The following CACNA2D1 variants were observed in gnomAD, a reference collection of about 807,000 sequenced individuals.
CACNA2D1 encodes calcium voltage-gated channel auxiliary subunit alpha2delta 1.
Under a neutral mutation model 171.5 loss-of-function variants are expected in CACNA2D1, and 53 were observed. The ratio of observed to expected loss-of-function variants is 0.31; its 90% CI spans 0.25 to 0.39. CACNA2D1 has a LOEUF of 0.39. Among genes scored for constraint, CACNA2D1 ranks in the 10% least tolerant of loss-of-function variants. CACNA2D1 has a pLI of 1.00. For synonymous variants in CACNA2D1, 442 were observed against 443.1 expected, an observed-to-expected ratio of 1.00 and a Z score of 0.03; for missense variants, 903 against 1,299.8, an observed-to-expected ratio of 0.69 and a Z score of 4.69.
Position 82,152,103 on chromosome 7 carries a change from T to G in CACNA2D1, c.355-15427A>C, listed in dbSNP as rs543612082. On this transcript the variant is annotated intron_variant, in intron 4 of 38. Transcript: ENST00000356860. ...TTCCAAAGTTAAATGTATCAAACTA[T>G]ATATTTACAGAGGACAAGCTAATCC... Among the ~76,000 whole-genome samples, 88 of 152,146 alleles carry G rather than the reference T, an allele frequency of 5.8e-4. 3 individuals are homozygous for G. The South Asian group carries it at 0.018, about 31-fold the overall frequency.
chr7:82,345,938 C>T (rs1414207001), intron 2 of CACNA2D1, among the ~76,000 whole-genome samples: 1 of 151,994 alleles, frequency 6.6e-6, no homozygotes, highest in Non-Finnish European at 1.5e-5. Flanking sequence ...TGGTTCTGTC[C>T]CCTTCCATTG....
rs116102234 is a variant in CACNA2D1, at chr7:82,241,817, G to A, written c.295-71208C>T. Among the ~76,000 whole-genome samples, 1,158 of 152,122 alleles carry A rather than the reference G, an allele frequency of 7.6e-3. 12 individuals are homozygous for A. The highest frequency in any genetic ancestry group is 0.027 in the African/African-American group (1,102 of 41,482). Reference sequence around the variant, plus strand: ...TCAACAGTATTAATTTAATATAATGGCAAGGTAAGAGCAGGAATATATGCT... The same window carrying A: ...TCAACAGTATTAATTTAATATAATGACAAGGTAAGAGCAGGAATATATGCT... On this transcript the variant is annotated intron_variant, in intron 3 of 38. Transcript: ENST00000356860.
chr7:81,963,347 T>G (rs1366368356), intron 34 of CACNA2D1, among the ~76,000 whole-genome samples: 1 of 151,600 alleles, frequency 6.6e-6, no homozygotes, highest in African/African-American at 2.4e-5. Flanking sequence ...CAATACAGTG[T>G]GATGATACAA....
rs545573864 is a variant in CACNA2D1 at position 81,950,236 on chromosome 7, T to G, written c.*156A>C. 7.7e-7 allele frequency: 1 copy of G among 1,305,070 alleles called. No homozygotes were observed. The highest frequency in any genetic ancestry group is 1.4e-5 in the African/African-American group (1 of 68,990). 80.8% of individuals were successfully genotyped at this position (1,305,070 alleles called of 1,614,324 possible). A position where few individuals can be genotyped will look rare whatever the true frequency, so the allele number is the denominator to read the frequency against. ...GACACCCTGACATGCAGCCAGTGGG[T>G]GCCTTAGGAGTCTGCGCCTTAGTGT... On this transcript the variant is annotated 3_prime_UTR_variant, in exon 39 of 39. Coordinates refer to ENST00000356860, the MANE Select transcript of CACNA2D1 (RefSeq NM_000722.4).
chr7:82,114,239 A>C (rs964662007), intron 6 of CACNA2D1, among the ~76,000 whole-genome samples: 10 of 152,212 alleles, frequency 6.6e-5, no homozygotes, highest in Non-Finnish European at 4.4e-5. Flanking sequence ...GTCAGATTTC[A>C]TATTTGTTCT....
rs71093367 is a variant in CACNA2D1, at chr7:82,181,041, A to ATTTTTTTTTTTTTT, written c.295-10446_295-10433dup. On this transcript the variant is annotated intron_variant, in intron 3 of 38. Transcript: ENST00000356860. ...GGTCAGCAGCTGTGGGGCATGTCGG[A>ATTTTTTTTTTTTTT]TTTTTTTTTTTTTTTTTTTTTTTTT... is the stretch of plus-strand genomic sequence containing the variant. Among the ~76,000 whole-genome samples the ATTTTTTTTTTTTTT allele has an allele frequency of 3.0e-3, 42 of 13,960 alleles. 17 individuals are homozygous for ATTTTTTTTTTTTTT. The highest frequency in any genetic ancestry group is 7.9e-3 in the South Asian group (2 of 252). 9.2% of individuals were successfully genotyped at this position (13,960 alleles called of 152,430 possible).
intron 3 of CACNA2D1, among the ~76,000 whole-genome samples, chr7:82,211,574 G>A (rs1307704181): frequency 1.3e-5 from 2 of 152,290 alleles, no homozygotes; most frequent in South Asian, 4.1e-4. Context: ...ATTTCATGGT[G>A]TAGATTTACC....
At chr7:82,060,201 T>TATATATATAATATATATATTA (rs747843223) in intron 10 of CACNA2D1, among the ~76,000 whole-genome samples, 3 of 10,398 alleles carry the variant, frequency 2.9e-4, no homozygotes, top group African/African-American at 3.6e-4. Flanking sequence ...TATATATATA[T>TATATATATAATATATATATTA]TATATATATA....
intron 3 of CACNA2D1, among the ~76,000 whole-genome samples, chr7:82,328,955 T>A (rs918390065): frequency 6.6e-6 from 1 of 152,162 alleles, no homozygotes; most frequent in Non-Finnish European, 1.5e-5. Flanking sequence ...AATTTCAGAA[T>A]TCCTTCCTGG....
chr7:82,192,611 G>T (rs375841630), intron 3 of CACNA2D1, among the ~76,000 whole-genome samples: 1 of 151,188 alleles, frequency 6.6e-6, no homozygotes, highest in Non-Finnish European at 1.5e-5. Context: ...CAGAAATTAA[G>T]AATTCAAGAT....
intron 4 of CACNA2D1, among the ~76,000 whole-genome samples, chr7:82,150,448 T>C (rs1261145362): frequency 1.4e-5 from 2 of 147,474 alleles, no homozygotes; most frequent in Admixed American, 1.3e-4. Context: ...AATTGAAATC[T>C]CTAGTACATA....
chr7:82,099,604 T>C (rs374669870), intron 6 of CACNA2D1, among the ~76,000 whole-genome samples: 4 of 108,908 alleles, frequency 3.7e-5, no homozygotes, highest in Middle Eastern at 4.4e-3. Flanking sequence ...CGCCCGCCAC[T>C]ACGCCCGGCT....
rs1033224830 is a variant in CACNA2D1 at position 81,946,895 on chromosome 7, T to C, written c.*3497A>G. The C allele has an allele frequency of 6.6e-6, 1 of 152,096 alleles. No homozygotes were observed. Among genetic ancestry groups the C allele is most frequent in the Non-Finnish European group, 1.5e-5 (1 of 67,984 alleles). 9.4% of individuals were successfully genotyped at this position (152,096 alleles called of 1,614,324 possible). ...TTTTTTCAACACTCAAAACATTATA[T>C]TGGTTTGCTCTTTACAGAAATGTAC... On this transcript the variant is annotated 3_prime_UTR_variant, in exon 39 of 39. Coordinates refer to ENST00000356860, the MANE Select transcript of CACNA2D1 (RefSeq NM_000722.4).
At chr7:82,144,963 G>A (rs1028424077) in intron 4 of CACNA2D1, among the ~76,000 whole-genome samples, 11 of 151,700 alleles carry the variant, frequency 7.3e-5, no homozygotes, top group African/African-American at 1.2e-4. Flanking sequence ...TCTTTCATAC[G>A]AATAAATAAG....
At chr7:82,074,271 G>A (rs865886133) in intron 7 of CACNA2D1, among the ~76,000 whole-genome samples, 1 of 152,134 alleles carries the variant, frequency 6.6e-6, no homozygotes, top group East Asian at 1.9e-4. Context: ...CTGTTGCCTA[G>A]GCTTGAGTGC....
chr7:82,390,580 T>C (rs897963402), intron 1 of CACNA2D1, among the ~76,000 whole-genome samples: 4 of 152,174 alleles, frequency 2.6e-5, no homozygotes, highest in African/African-American at 9.7e-5. Context: ...AGCAAGAGTG[T>C]AAAATGCTAC....
At chr7:82,440,490 A>G (rs1445851980) in intron 1 of CACNA2D1, among the ~76,000 whole-genome samples, 2 of 151,920 alleles carry the variant, frequency 1.3e-5, no homozygotes, top group Non-Finnish European at 3.0e-5. Context: ...TAAAAATGAT[A>G]TATTTTCCAT....
chr7:82,372,504 G>A (rs568261438), intron 1 of CACNA2D1, among the ~76,000 whole-genome samples: 67 of 147,930 alleles, frequency 4.5e-4, no homozygotes, highest in South Asian at 3.1e-3. Flanking sequence ...GAAGGAATTC[G>A]TTCTCTAATA....
chr7:82,245,662 TCA>T lies in CACNA2D1; in HGVS notation c.295-75055_295-75054del, dbSNP rs1554479416. Among the ~76,000 whole-genome samples the T allele has an allele frequency of 9.6e-5, 14 of 145,456 alleles. No individual in the cohort carries two copies. The East Asian group carries it at 1.2e-3, about 13-fold the overall frequency. ...AAATGTCTCTCTCTCTCTCTCTCTC[TCA>T]CACACACACACACACACACACACAG... On this transcript the variant is annotated intron_variant, in intron 3 of 38. Transcript: ENST00000356860.
Sources: gnomAD v4.1 joint callset for allele counts (sites outside exome capture counted in the v4.1 genomes callset) on GRCh38, gnomAD v4.1.1 for gene constraint, MANE v1.5 for transcripts, NCBI Gene and HGNC (gene_info 2026-07-23, HGNC 2026-07-21) for gene names.